Variants in SYNE2 observed in about 807,000 individuals in gnomAD.
SYNE2 encodes spectrin repeat containing nuclear envelope protein 2, also known as nesprin-2.
SYNE2 carries 431 observed loss-of-function variants against 856.3 expected under a neutral mutation model. The ratio of observed to expected loss-of-function variants is 0.50; its 90% CI spans 0.47 to 0.55. The LOEUF is 0.55. Ranked by LOEUF, SYNE2 falls within the 20% of genes least tolerant of loss-of-function variation. The pLI, the probability that SYNE2 is intolerant of heterozygous loss-of-function variation, is 0.00. For missense variants in SYNE2, 8,129 were observed against 8,023.2 expected, an observed-to-expected ratio of 1.01 and a Z score of -0.50; for synonymous variants, 2,923 against 2,872.3, an observed-to-expected ratio of 1.02 and a Z score of -0.56.
Position 63,961,518 on chromosome 14 carries a change from C to G in SYNE2, c.788-7C>G, listed in dbSNP as rs769211907. 1.2e-6 allele frequency: 2 copies of G among 1,608,138 alleles called. No individual in the cohort carries two copies. Among genetic ancestry groups the G allele is most frequent in the South Asian group, 1.1e-5 (1 of 90,762 alleles). On this transcript the variant is annotated splice_region_variant and splice_polypyrimidine_tract_variant and intron_variant, in intron 8 of 115. Coordinates refer to ENST00000555002, the MANE Select transcript of SYNE2 (RefSeq NM_182914.3). Reference sequence around the variant, plus strand: ...ACAGCTAATTGATAGTGTGGTGTATCTTGCAGATGTGGATGTTGTTGATCC... The same window carrying G: ...ACAGCTAATTGATAGTGTGGTGTATGTTGCAGATGTGGATGTTGTTGATCC...
chr14:63,994,161 C>T (rs1388206847), intron 22 of SYNE2, among the ~76,000 whole-genome samples, 192 bp downstream of exon 22: 2 of 152,066 alleles, frequency 1.3e-5, no homozygotes, highest in African/African-American at 2.4e-5. Context: ...GCAGACAAAC[C>T]TGGATTCAGC....
At chr14:64,206,492 T>G (rs2098605874) in intron 100 of SYNE2, among the ~76,000 whole-genome samples, 1 of 152,106 alleles carries the variant, frequency 6.6e-6, no homozygotes, top group Admixed American at 6.5e-5. Flanking sequence ...AGTAGGCCAT[T>G]GTGTGGTGTT....
intron 54 of SYNE2, among the ~76,000 whole-genome samples, chr14:64,077,224 T>G (rs1056325816): frequency 1.3e-5 from 2 of 152,156 alleles, no homozygotes; most frequent in African/African-American, 4.8e-5. Context: ...TGTGTATAAT[T>G]CAAATGGCTA....
At chr14:64,196,299 T>C (rs538863402) in intron 99 of SYNE2, among the ~76,000 whole-genome samples, 6 of 152,314 alleles carry the variant, frequency 3.9e-5, no homozygotes, top group Non-Finnish European at 8.8e-5. Flanking sequence ...TAAGGTAGAC[T>C]AGACACAAAC....
chr14:64,182,588 A>T (rs1411469918), intron 96 of SYNE2, among the ~76,000 whole-genome samples: 2 of 151,844 alleles, frequency 1.3e-5, no homozygotes, highest in East Asian at 3.9e-4. Flanking sequence ...AGTGGTGATG[A>T]CTCTTAACGA....
At chr14:63,778,926 AGTAG>A (rs1181479386) in intron 1 of SYNE2, among the ~76,000 whole-genome samples, 1 of 22,294 alleles carries the variant, frequency 4.5e-5, no homozygotes, top group Non-Finnish European at 1.4e-4. Context: ...AGTCTCCCAA[AGTAG>A]CTCATGGCTA....
chr14:63,944,741 G>A (rs900858260), intron 6 of SYNE2, among the ~76,000 whole-genome samples: 3 of 148,178 alleles, frequency 2.0e-5, no homozygotes, highest in Non-Finnish European at 4.5e-5. Flanking sequence ...GGCTGGTCTC[G>A]AACTCCTGAC....
At chr14:63,959,892 T>C (rs1198743541) in intron 8 of SYNE2, among the ~76,000 whole-genome samples, 1 of 152,194 alleles carries the variant, frequency 6.6e-6, no homozygotes, top group Non-Finnish European at 1.5e-5. Flanking sequence ...ACCAGGCAAC[T>C]AATGAAATAG....
Position 64,076,115 on chromosome 14 carries a change from T to C in SYNE2, c.11022+15T>C, listed in dbSNP as rs2097456443. On this transcript the variant is annotated intron_variant, in intron 54 of 115. Coordinates refer to ENST00000555002, the MANE Select transcript of SYNE2 (RefSeq NM_182914.3). ...TAGATGAGAAGGTAATAATAATGTCTGTACTACTGTTATTATTTACGGAGC... is the reference window on the plus strand; with the variant it reads ...TAGATGAGAAGGTAATAATAATGTCCGTACTACTGTTATTATTTACGGAGC... The C allele has an allele frequency of 1.6e-5, 26 of 1,611,504 alleles. No homozygotes were observed. The highest frequency in any genetic ancestry group is 2.1e-5 in the Non-Finnish European group (25 of 1,178,366).
chr14:64,141,962 G>C lies in SYNE2; in HGVS notation c.15180G>C (p.Pro5060=). ...KLHQLQMEKL[P]SRKAITEMIS... ...TACAGCTTCAAATGGAGAAATTGCC[G>C]TCTCGTAAAGCAATCACAGAAATGA... Residue 5060 remains proline (P), a synonymous_variant, in exon 82 of 116, where the codon CCG becomes CCC. Transcript: ENST00000555002. 1 of 1,614,010 alleles carries C rather than the reference G, an allele frequency of 6.2e-7. No homozygotes were observed. The highest frequency in any genetic ancestry group is 1.1e-5 in the South Asian group (1 of 91,056).
rs556859825 is a variant in SYNE2 at position 64,183,602 on chromosome 14, C to A, written c.17557-2822C>A. Among the ~76,000 whole-genome samples, 1,408 of 152,290 alleles carry A rather than the reference C, an allele frequency of 9.2e-3. 18 individuals are homozygous for A. Among genetic ancestry groups the A allele is most frequent in the African/African-American group, 0.032 (1,319 of 41,562 alleles). On this transcript the variant is annotated intron_variant, in intron 96 of 115. Transcript: ENST00000555002. ...GAGGTTGTAGCGAGCCGAGATCACG[C>A]CACTGCACTCCAGCCTGGGCAACAT...
At chr14:63,781,306 G>A (rs1388194798) in intron 1 of SYNE2, among the ~76,000 whole-genome samples, 4 of 151,562 alleles carry the variant, frequency 2.6e-5, no homozygotes, top group Admixed American at 6.6e-5. Flanking sequence ...AAGATTTGTG[G>A]ACATCGCTGT....
chr14:63,913,241 G>A (rs544537329), intron 2 of SYNE2, among the ~76,000 whole-genome samples: 1 of 151,908 alleles, frequency 6.6e-6, no homozygotes, highest in East Asian at 2.0e-4. Context: ...GGCCCTGAGA[G>A]TACCCTTTAT....
At chr14:63,865,854 C>G (rs1895159452) in intron 1 of SYNE2, among the ~76,000 whole-genome samples, 1 of 152,036 alleles carries the variant, frequency 6.6e-6, no homozygotes, top group African/African-American at 2.4e-5. Context: ...TTCTGAGATT[C>G]CTTTTTCTTT....
At position 63,909,318 on chromosome 14, in the gene SYNE2, T is replaced by G. The variant is rs1479012860; in HGVS notation, c.79+91T>G. The G allele has an allele frequency of 1.0e-5, 8 of 793,146 alleles. No individual in the cohort carries two copies. In the East Asian group the frequency reaches 1.8e-4, roughly 17 times the overall value. 49.1% of individuals were successfully genotyped at this position (793,146 alleles called of 1,614,324 possible). On this transcript the variant is annotated intron_variant, in intron 2 of 115. Coordinates refer to ENST00000555002, the MANE Select transcript of SYNE2 (RefSeq NM_182914.3). ...AAGTCACACTGATTTTCGTCTCTCT[T>G]ATGGAGATAAATATATCTGTATTTT...
At chr14:63,990,676 TAAA>T in intron 20 of SYNE2, 107 bp downstream of exon 20, 1 of 1,019,100 alleles carries the variant, frequency 9.8e-7, no homozygotes. Context: ...AAATGTTTTG[TAAA>T]ATATTACTTT....
Position 64,051,920 on chromosome 14 carries a change from C to T in SYNE2, c.8007C>T (p.Thr2669=). The change falls in exon 48 of 116, where the codon ACC becomes ACT. Residue 2669 remains threonine (T), a synonymous_variant. Coordinates refer to ENST00000555002, the MANE Select transcript of SYNE2 (RefSeq NM_182914.3). ...RAGNQSMIAL[T]TDLQATKHGF... ...GGAACCAAAGCATGATTGCCTTGAC[C>T]ACTGACCTCCAGGCTACCAAGCATG... 1 of 1,613,872 alleles carries T rather than the reference C, an allele frequency of 6.2e-7. No homozygotes were observed. Among genetic ancestry groups the T allele is most frequent in the Non-Finnish European group, 8.5e-7 (1 of 1,180,030 alleles).
intron 45 of SYNE2, among the ~76,000 whole-genome samples, chr14:64,045,167 T>G (rs1212451856): frequency 6.6e-6 from 1 of 152,152 alleles, no homozygotes; most frequent in Admixed American, 6.5e-5. Flanking sequence ...TCTGTTGGCT[T>G]TTCTGCCAAG....
Position 63,839,223 on chromosome 14 carries a change from G to T in SYNE2, c.-304-13278G>T, listed in dbSNP as rs573876714. Among the ~76,000 whole-genome samples the T allele has an allele frequency of 5.3e-5, 8 of 152,002 alleles. No individual in the cohort carries two copies. The East Asian group carries it at 7.8e-4, about 15-fold the overall frequency. ...TTTTTGTATTTTTGGTAGAGATGGG[G>T]TTTCACCGTGTTAGCCAGGATGTTC... On this transcript the variant is annotated intron_variant, in intron 1 of 23. Coordinates refer to the SYNE2 transcript ENST00000674003.
Sources: gnomAD v4.1 joint callset for allele counts (sites outside exome capture counted in the v4.1 genomes callset) on GRCh38, gnomAD v4.1.1 for gene constraint, MANE v1.5 for transcripts, NCBI Gene and HGNC (gene_info 2026-07-23, HGNC 2026-07-21) for gene names.